TTBK2: variants seen among roughly 807,000 people sequenced by gnomAD.
TTBK2 encodes tau tubulin kinase 2.
TTBK2 carries 28 observed loss-of-function variants against 110.8 expected under a neutral mutation model. The observed-to-expected ratio is 0.25, with a 90% CI of 0.19 to 0.35. The LOEUF is 0.35. Ranked by LOEUF, TTBK2 falls within the 10% of genes least tolerant of loss-of-function variation. The pLI, the probability that TTBK2 is intolerant of heterozygous loss-of-function variation, is 1.00. For synonymous variants in TTBK2, 532 were observed against 527.3 expected (o/e 1.01, Z -0.12); for missense variants, 1,369 against 1,500.3 (o/e 0.91, Z 1.45).
intron 9 of TTBK2, among the ~76,000 whole-genome samples, chr15:42,806,683 C>T (rs908675885): frequency 6.6e-6 from 1 of 152,214 alleles, no homozygotes; most frequent in African/African-American, 2.4e-5. Context: ...TTGCTCTTCA[C>T]ATGGCCAACA....
chr15:42,920,702 G>A lies in TTBK2; in HGVS notation c.-332C>T. The A allele has an allele frequency of 6.5e-6, 1 of 155,028 alleles. No individual in the cohort carries two copies. 9.6% of individuals were successfully genotyped at this position (155,028 alleles called of 1,614,324 possible). ...GGCTCCCCCAAGCCGCTGCTCTTGTGCCAGCACCTGCTCCCCCTCCTGCCG... is the reference window on the plus strand; with the variant it reads ...GGCTCCCCCAAGCCGCTGCTCTTGTACCAGCACCTGCTCCCCCTCCTGCCG... On this transcript the variant is annotated 5_prime_UTR_variant, in exon 1 of 15. Transcript: ENST00000267890.
chr15:42,756,287 A>G (rs2061945357), intron 13 of TTBK2, among the ~76,000 whole-genome samples: 1 of 152,150 alleles, frequency 6.6e-6, no homozygotes, highest in Non-Finnish European at 1.5e-5. Flanking sequence ...CAGCAGTGCT[A>G]TAAAAATAAT....
Position 42,826,772 on chromosome 15 carries a change from C to T in TTBK2, c.537+1156G>A, listed in dbSNP as rs143611426. On this transcript the variant is annotated intron_variant, in intron 6 of 14. Coordinates refer to ENST00000267890, the MANE Select transcript of TTBK2 (RefSeq NM_173500.4). ...CCTGATTCATGAATCATTCTTTGCTCAACTAAACTCTGTTCAATTTAGTTT... is the reference window on the plus strand; with the variant it reads ...CCTGATTCATGAATCATTCTTTGCTTAACTAAACTCTGTTCAATTTAGTTT... Among the ~76,000 whole-genome samples the T allele has an allele frequency of 1.9e-3, 290 of 152,242 alleles. 4 individuals carry two copies. In the East Asian group the frequency reaches 0.043, roughly 23 times the overall value.
At chr15:42,764,682 A>T (rs1399048848) in intron 13 of TTBK2, among the ~76,000 whole-genome samples, 3 of 152,280 alleles carry the variant, frequency 2.0e-5, no homozygotes, top group Non-Finnish European at 2.9e-5. Flanking sequence ...GGGGCAGAGC[A>T]TAGCTGAACA....
intron 2 of TTBK2, among the ~76,000 whole-genome samples, 168 bp downstream of exon 2, chr15:42,878,381 C>T (rs375523602): frequency 6.4e-4 from 98 of 152,056 alleles, no homozygotes; most frequent in African/African-American, 2.3e-3. Context: ...AGAGCTTAAT[C>T]ATAGAAAAAT....
intron 1 of TTBK2, among the ~76,000 whole-genome samples, chr15:42,879,874 G>A (rs573392588): frequency 4.1e-4 from 63 of 151,866 alleles, no homozygotes; most frequent in Middle Eastern, 3.4e-3. Context: ...GCATGTACTC[G>A]TAATCCCAGC....
chr15:42,879,107 A>T lies in TTBK2; in HGVS notation c.-67-423T>A, dbSNP rs1894936999. 2.0e-5 allele frequency among the ~76,000 whole-genome samples: 3 copies of T among 152,214 alleles called. No individual in the cohort carries two copies. In the South Asian group the frequency reaches 6.2e-4, roughly 32 times the overall value. ...GAGCTAATAATATTTTAATGTTACA[A>T]AATGCACAGGAAATAAATACTAACA... On this transcript the variant is annotated intron_variant, in intron 1 of 14. Transcript: ENST00000267890.
intron 13 of TTBK2, among the ~76,000 whole-genome samples, chr15:42,771,288 C>T (rs16957125): frequency 6.6e-6 from 1 of 151,992 alleles, no homozygotes; most frequent in African/African-American, 2.4e-5. Context: ...CATTCCTTAA[C>T]CTTCCCAGAA....
At chr15:42,766,272 T>A (rs1889366530) in intron 13 of TTBK2, among the ~76,000 whole-genome samples, 1 of 151,294 alleles carries the variant, frequency 6.6e-6, no homozygotes, top group African/African-American at 2.4e-5. Context: ...CATAACAATA[T>A]TAATCTTAAA....
chr15:42,870,034 C>T (rs1894551359), intron 3 of TTBK2, among the ~76,000 whole-genome samples: 1 of 151,908 alleles, frequency 6.6e-6, no homozygotes, highest in African/African-American at 2.4e-5. Context: ...ATTAGCTGGG[C>T]ATGGTGGCAC....
rs1376077059 is a variant in TTBK2, at chr15:42,741,424, G to A, written c.*4371C>T. On this transcript the variant is annotated 3_prime_UTR_variant, in exon 15 of 15. Coordinates refer to ENST00000267890, the MANE Select transcript of TTBK2 (RefSeq NM_173500.4). ...CTTAATCCTGTAATACTTTTGTGTG[G>A]TATCATTCTGCTAATATATTGTCCA... is the stretch of plus-strand genomic sequence containing the variant. The A allele has an allele frequency of 6.6e-6, 1 of 152,194 alleles. No individual in the cohort carries two copies. Among genetic ancestry groups the A allele is most frequent in the Non-Finnish European group, 1.5e-5 (1 of 68,046 alleles). 9.4% of individuals were successfully genotyped at this position (152,194 alleles called of 1,614,324 possible).
intron 1 of TTBK2, among the ~76,000 whole-genome samples, chr15:42,902,999 A>AG (rs1555436910): frequency 1.3e-5 from 2 of 151,830 alleles, no homozygotes; most frequent in South Asian, 2.1e-4. Flanking sequence ...AAAAAAAAAA[A>AG]AAAGAAAGAA....
chr15:42,801,310 G>A (rs746014854), intron 9 of TTBK2: 17 of 1,529,362 alleles, frequency 1.1e-5, no homozygotes, highest in South Asian at 8.4e-5. Flanking sequence ...CGCAGCTGCC[G>A]CGCCATGTCT....
chr15:42,877,341 C>T (rs1894855391), intron 2 of TTBK2, among the ~76,000 whole-genome samples: 1 of 152,084 alleles, frequency 6.6e-6, no homozygotes, highest in South Asian at 2.1e-4. Context: ...AAAGTCAGAT[C>T]TAATCAAGCC....
intron 6 of TTBK2, among the ~76,000 whole-genome samples, chr15:42,821,112 G>GA (rs1892276635): frequency 6.6e-6 from 1 of 151,766 alleles, no homozygotes; most frequent in Admixed American, 6.6e-5. Flanking sequence ...ACTGACAAGT[G>GA]AAAAAAAGAA....
At chr15:42,763,121 C>CGTATATATATATATACACACAT (rs1370635155) in intron 13 of TTBK2, among the ~76,000 whole-genome samples, 24 of 86,326 alleles carry the variant, frequency 2.8e-4, no homozygotes, top group African/African-American at 1.4e-3. Context: ...TATATATACA[C>CGTATATATATATATACACACAT]ATATATATAC....
chr15:42,891,411 C>T (rs1470010738), intron 1 of TTBK2, among the ~76,000 whole-genome samples: 1 of 150,742 alleles, frequency 6.6e-6, no homozygotes, highest in East Asian at 2.0e-4. Flanking sequence ...TAGACTCAAT[C>T]GATCCTCCCA....
intron 3 of TTBK2, among the ~76,000 whole-genome samples, chr15:42,845,438 G>A (rs1024828460): frequency 2.0e-5 from 3 of 151,748 alleles, no homozygotes; most frequent in African/African-American, 7.3e-5. Context: ...GGCCGAGGTG[G>A]GTGGATCACC....
At chr15:42,839,748 T>C (rs1281709304) in intron 4 of TTBK2, among the ~76,000 whole-genome samples, 2 of 152,190 alleles carry the variant, frequency 1.3e-5, no homozygotes, top group East Asian at 3.8e-4. Context: ...ATATGTCTTA[T>C]TTTGAGACAT....
Sources: allele counts gnomAD v4.1 joint callset (sites outside exome capture counted in the v4.1 genomes callset), GRCh38; gene constraint gnomAD v4.1.1; transcripts MANE v1.5; gene names NCBI Gene and HGNC (gene_info 2026-07-23, HGNC 2026-07-21).